The following NRXN3 variants were observed in gnomAD, a reference collection of about 807,000 sequenced individuals.
The protein encoded by NRXN3 is neurexin III.
NRXN3 carries 32 observed loss-of-function variants against 137.6 expected under a neutral mutation model. That is an observed-to-expected ratio of 0.23 (90% confidence interval 0.18 to 0.31). The LOEUF is 0.31. Among genes scored for constraint, NRXN3 ranks in the 10% least tolerant of loss-of-function variants. The pLI, the probability that NRXN3 is intolerant of heterozygous loss-of-function variation, is 1.00. For synonymous variants in NRXN3, 798 were observed against 784.5 expected, an observed-to-expected ratio of 1.02 and a Z score of -0.29; for missense variants, 1,574 against 2,062.5, an observed-to-expected ratio of 0.76 and a Z score of 4.59.
chr14:78,618,179 G>GA (rs2097365137), intron 4 of NRXN3, among the ~76,000 whole-genome samples: 1 of 151,490 alleles, frequency 6.6e-6, no homozygotes, highest in South Asian at 2.1e-4. Flanking sequence ...ATATAAATCA[G>GA]AAGACAAAAA....
chr14:78,984,744 A>G (rs1398716034), intron 14 of NRXN3, among the ~76,000 whole-genome samples: 2 of 152,148 alleles, frequency 1.3e-5, no homozygotes, highest in African/African-American at 4.8e-5. Context: ...AGCTTCCAGG[A>G]GATGCAGATG....
At chr14:79,607,467 A>G (rs1464334859) in intron 16 of NRXN3, among the ~76,000 whole-genome samples, 2 of 152,230 alleles carry the variant, frequency 1.3e-5, no homozygotes, top group Admixed American at 6.5e-5. Flanking sequence ...GCGTAACATA[A>G]GAAGCCACCA....
chr14:78,650,745 C>G (rs1227797706), intron 5 of NRXN3, among the ~76,000 whole-genome samples: 1 of 152,042 alleles, frequency 6.6e-6, no homozygotes, highest in African/African-American at 2.4e-5. Context: ...AGACCAACCC[C>G]TAACAAATTT....
intron 4 of NRXN3, among the ~76,000 whole-genome samples, chr14:78,419,959 A>ACG (rs879298348): frequency 0.079 from 3,940 of 50,022 alleles, 143 homozygotes; most frequent in African/African-American, 0.15. Context: ...GCGCGCGCGC[A>ACG]CGCACACACA....
chr14:78,421,542 T>C (rs759467321), intron 4 of NRXN3, among the ~76,000 whole-genome samples: 1 of 152,122 alleles, frequency 6.6e-6, no homozygotes, highest in South Asian at 2.1e-4. Context: ...AAATGGAGAC[T>C]ATTTCTTTCT....
intron 20 of NRXN3, among the ~76,000 whole-genome samples, chr14:79,845,840 G>T (rs2099367251): frequency 6.4e-5 from 6 of 94,458 alleles, no homozygotes; most frequent in East Asian, 3.6e-4. Flanking sequence ...GAGGGAGACG[G>T]GGAGAGAGAG....
intron 4 of NRXN3, among the ~76,000 whole-genome samples, chr14:78,401,206 C>G (rs2092019013): frequency 6.6e-6 from 1 of 151,828 alleles, no homozygotes; most frequent in African/African-American, 2.4e-5. Flanking sequence ...TCTCTGTTGC[C>G]CAGGCTGGAG....
chr14:78,368,739 G>A (rs945619302), intron 4 of NRXN3, among the ~76,000 whole-genome samples: 1 of 152,042 alleles, frequency 6.6e-6, no homozygotes, highest in Non-Finnish European at 1.5e-5. Flanking sequence ...AAATTCCATG[G>A]GTGTGGCCAC....
chr14:79,797,045 C>A (rs1341570699), intron 19 of NRXN3, among the ~76,000 whole-genome samples: 2 of 152,132 alleles, frequency 1.3e-5, no homozygotes, highest in Non-Finnish European at 2.9e-5. Flanking sequence ...GATTGACTGG[C>A]ACATCATAGG....
In NRXN3 at chr14:78,768,595, A is replaced by G. The variant is rs1768131381; in HGVS notation, c.2045-35025A>G. 3.9e-5 allele frequency among the ~76,000 whole-genome samples: 6 copies of G among 152,344 alleles called. No homozygotes were observed. In the South Asian group the frequency reaches 1.0e-3, roughly 26 times the overall value. On this transcript the variant is annotated intron_variant, in intron 8 of 20. Coordinates refer to ENST00000335750, the MANE Select transcript of NRXN3 (RefSeq NM_001330195.2). ...GAGAAAAGATATGTACATCTATTTT[A>G]TCTACCTAAACATAAGTAGATAAAA...
intron 4 of NRXN3, among the ~76,000 whole-genome samples, chr14:78,532,375 TTGTGTGTGTGTGTGTGTG>T (rs56788209): frequency 1.4e-5 from 2 of 138,584 alleles, no homozygotes; most frequent in African/African-American, 5.4e-5. Context: ...TGATGATATT[TTGTGTGTGTGTGTGTGTG>T]TGTGTGTGTG....
At chr14:78,644,489 CTTAT>C (rs1485425122) in intron 4 of NRXN3, among the ~76,000 whole-genome samples, 3 of 152,126 alleles carry the variant, frequency 2.0e-5, no homozygotes, top group Non-Finnish European at 4.4e-5. Context: ...GTATTGCTGT[CTTAT>C]CAAAACATAT....
chr14:78,643,459 G>T (rs1189679711), intron 4 of NRXN3, among the ~76,000 whole-genome samples: 1 of 152,176 alleles, frequency 6.6e-6, no homozygotes, highest in Non-Finnish European at 1.5e-5. Context: ...AGGCTATCTG[G>T]CAAGAAGACA....
At chr14:79,719,402 G>GTATATATATGTGTGTATATATATA (rs5741998) in intron 19 of NRXN3, among the ~76,000 whole-genome samples, 175 of 142,300 alleles carry the variant, frequency 1.2e-3, no homozygotes, top group African/African-American at 2.9e-3. Flanking sequence ...ATATATGTGT[G>GTATATATATGTGTGTATATATATA]TATATATATA....
intron 15 of NRXN3, among the ~76,000 whole-genome samples, chr14:79,229,704 T>G (rs1303344452): frequency 2.0e-5 from 3 of 152,042 alleles, no homozygotes; most frequent in Non-Finnish European, 4.4e-5. Context: ...GCTCTCCCAG[T>G]GGAGAGCAGC....
intron 16 of NRXN3, among the ~76,000 whole-genome samples, chr14:79,601,680 C>T (rs188697375): frequency 1.8e-3 from 280 of 152,280 alleles, no homozygotes; most frequent in Non-Finnish European, 3.2e-3. Flanking sequence ...CATATCGCCA[C>T]GGTCTTCATT....
At chr14:78,908,048 G>A (rs1200430872) in intron 10 of NRXN3, among the ~76,000 whole-genome samples, 2 of 151,974 alleles carry the variant, frequency 1.3e-5, no homozygotes, top group African/African-American at 4.8e-5. Flanking sequence ...TATCATTGAT[G>A]GACATTTAGG....
At position 79,686,268 on chromosome 14, in the gene NRXN3, A is replaced by G. The variant is rs74243812; in HGVS notation, c.3617-5905A>G. ...AAAAAAAAAAAGATAGTTGGACATG[A>G]TAACTACATGTCTACAGGCTCATCA... is the stretch of plus-strand genomic sequence containing the variant. On this transcript the variant is annotated intron_variant, in intron 17 of 20. Coordinates refer to ENST00000335750, the MANE Select transcript of NRXN3 (RefSeq NM_001330195.2). Among the ~76,000 whole-genome samples, 3,027 of 152,232 alleles carry G rather than the reference A, an allele frequency of 0.02. 158 individuals carry two copies. In the East Asian group the frequency reaches 0.21, roughly 11 times the overall value.
At chr14:78,982,506 A>AT (rs60153064) in intron 14 of NRXN3, among the ~76,000 whole-genome samples, 6,782 of 150,536 alleles carry the variant, frequency 0.045, 468 homozygotes, top group African/African-American at 0.15. Context: ...TGGTTAACTG[A>AT]TTTTTTTTTT....
Sources: gnomAD v4.1 joint callset for allele counts (sites outside exome capture counted in the v4.1 genomes callset) on GRCh38, gnomAD v4.1.1 for gene constraint, MANE v1.5 for transcripts, NCBI Gene and HGNC (gene_info 2026-07-23, HGNC 2026-07-21) for gene names.